The following ULK4 variants were observed in gnomAD, a reference collection of about 807,000 sequenced individuals.
ULK4 encodes the protein inactive serine/threonine-protein kinase ULK4.
ULK4 carries 133 observed loss-of-function variants against 160.6 expected under a neutral mutation model. The observed-to-expected ratio is 0.83, with a 90% CI of 0.72 to 0.96. ULK4 has a LOEUF of 0.96. ULK4 is among the 40% of genes least tolerant of loss of function. The pLI is 0.00. For synonymous variants in ULK4, 534 were observed against 539.8 expected (o/e 0.99, Z 0.15); for missense variants, 1,580 against 1,499.5 (o/e 1.05, Z -0.89).
At chr3:41,882,657 C>G (rs1472175366) in intron 17 of ULK4, among the ~76,000 whole-genome samples, 1 of 152,228 alleles carries the variant, frequency 6.6e-6, no homozygotes, top group African/African-American at 2.4e-5. Flanking sequence ...ATTCAACAGT[C>G]ATATTTCACA....
At chr3:41,366,916 T>C (rs1316325966) in intron 35 of ULK4, among the ~76,000 whole-genome samples, 4 of 152,224 alleles carry the variant, frequency 2.6e-5, no homozygotes, top group African/African-American at 9.7e-5. Context: ...TCTCTCACTC[T>C]GTGCTCAGAG....
chr3:41,955,313 C>T (rs369809806), intron 1 of ULK4: 3 of 152,868 alleles, frequency 2.0e-5, no homozygotes, highest in South Asian at 2.1e-4. Context: ...TATTCACAAA[C>T]CAATATTCAA....
intron 32 of ULK4, among the ~76,000 whole-genome samples, chr3:41,524,421 A>T (rs2086039371): frequency 6.6e-6 from 1 of 152,138 alleles, no homozygotes; most frequent in South Asian, 2.1e-4. Flanking sequence ...TTTCAAAGAG[A>T]TGCCCAGTAG....
At chr3:41,470,004 G>A (rs1296229261) in intron 32 of ULK4, among the ~76,000 whole-genome samples, 1 of 23,070 alleles carries the variant, frequency 4.3e-5, no homozygotes, top group East Asian at 1.5e-3. Flanking sequence ...AGGAATTCAA[G>A]AAGAAACAGA....
At chr3:41,337,958 A>G (rs2080599075) in intron 35 of ULK4, among the ~76,000 whole-genome samples, 1 of 152,208 alleles carries the variant, frequency 6.6e-6, no homozygotes, top group Non-Finnish European at 1.5e-5. Context: ...GGGAAAGATG[A>G]TGAGAGCTAA....
intron 30 of ULK4, among the ~76,000 whole-genome samples, chr3:41,658,637 G>T (rs527875822): frequency 2.9e-4 from 44 of 152,048 alleles, no homozygotes; most frequent in Non-Finnish European, 5.4e-4. Flanking sequence ...GGCACAGATA[G>T]TATATGAATT....
At chr3:41,932,242 A>T (rs1699628535) in intron 4 of ULK4, among the ~76,000 whole-genome samples, 1 of 152,234 alleles carries the variant, frequency 6.6e-6, no homozygotes, top group Non-Finnish European at 1.5e-5. Flanking sequence ...CACATCATAT[A>T]ACCATAGTGG....
intron 31 of ULK4, among the ~76,000 whole-genome samples, chr3:41,581,805 T>C (rs749707180): frequency 6.6e-6 from 1 of 152,004 alleles, no homozygotes; most frequent in Admixed American, 6.5e-5. Flanking sequence ...CTGAGAGGTA[T>C]TAGGAAGGAG....
intron 21 of ULK4, among the ~76,000 whole-genome samples, chr3:41,755,285 A>G (rs1358129047): frequency 6.6e-6 from 1 of 150,656 alleles, no homozygotes. Context: ...TAAGAAGCTC[A>G]TTTTTTTTTG....
intron 30 of ULK4, among the ~76,000 whole-genome samples, chr3:41,618,608 G>A (rs6788368): frequency 0.31 from 46,545 of 151,940 alleles, 9,805 homozygotes; most frequent in African/African-American, 0.6. Flanking sequence ...CTGCTTTACA[G>A]GAGCTCCTGA....
In ULK4 at chr3:41,463,665, A is replaced by C. The variant is rs1346431472; in HGVS notation, c.3227-412T>G. The stretch of plus-strand genomic sequence containing the variant: ...ACCCAGTGGTCTGCTCTATCTAGCA[A>C]CTGGGTGGTTTCCATAATGCAGTCC... On this transcript the variant is annotated intron_variant, in intron 32 of 36. Transcript: ENST00000301831. 2.6e-5 allele frequency among the ~76,000 whole-genome samples: 4 copies of C among 152,280 alleles called. No individual in the cohort carries two copies. In the East Asian group the frequency reaches 7.7e-4, roughly 29 times the overall value.
At position 41,510,788 on chromosome 3, in the gene ULK4, T is replaced by C. The variant is rs115389816; in HGVS notation, c.3227-47535A>G. On this transcript the variant is annotated intron_variant, in intron 32 of 36. Transcript: ENST00000301831. ...TTTAAAAATTCTTTGAACTGAATAATAGTGACACAAGCTATCAAAACCTTT... is the reference window on the plus strand; with the variant it reads ...TTTAAAAATTCTTTGAACTGAATAACAGTGACACAAGCTATCAAAACCTTT... Among the ~76,000 whole-genome samples the C allele has an allele frequency of 5.3e-3, 814 of 152,216 alleles. 12 individuals are homozygous for C. Among genetic ancestry groups the C allele is most frequent in the African/African-American group, 0.019 (783 of 41,536 alleles).
intron 22 of ULK4, among the ~76,000 whole-genome samples, chr3:41,748,431 T>G (rs1158247586): frequency 6.6e-6 from 1 of 152,146 alleles, no homozygotes; most frequent in African/African-American, 2.4e-5. Context: ...AAATACATTA[T>G]GAAAGAAATA....
At chr3:41,740,476 A>T (rs2125879326) in intron 22 of ULK4, among the ~76,000 whole-genome samples, 1 of 151,968 alleles carries the variant, frequency 6.6e-6, no homozygotes, top group African/African-American at 2.4e-5. Context: ...CGCCTGTCAT[A>T]GTAATATGAG....
chr3:41,446,844 T>C (rs35128088), intron 34 of ULK4, among the ~76,000 whole-genome samples: 40,301 of 151,450 alleles, frequency 0.27, 5,602 homozygotes, highest in East Asian at 0.57. Context: ...AACCTGTACG[T>C]TGTGCACATG....
intron 30 of ULK4, among the ~76,000 whole-genome samples, chr3:41,630,831 C>G (rs1215143254): frequency 6.6e-6 from 1 of 152,108 alleles, no homozygotes; most frequent in African/African-American, 2.4e-5. Context: ...GTGTACCAAC[C>G]AAAATAGAAG....
chr3:41,590,926 G>T (rs1483073820), intron 31 of ULK4, among the ~76,000 whole-genome samples: 1 of 152,058 alleles, frequency 6.6e-6, no homozygotes, highest in East Asian at 1.9e-4. Flanking sequence ...AACGATGGTT[G>T]AAGAATTTTT....
intron 34 of ULK4, among the ~76,000 whole-genome samples, chr3:41,428,041 G>C (rs916069130): frequency 1.3e-5 from 2 of 151,248 alleles, no homozygotes; most frequent in African/African-American, 4.8e-5. Flanking sequence ...CAGCCCAAAA[G>C]TTTAAGCTGA....
chr3:41,301,760 A>T (rs2079804791), intron 35 of ULK4, among the ~76,000 whole-genome samples: 2 of 152,212 alleles, frequency 1.3e-5, no homozygotes, highest in Non-Finnish European at 2.9e-5. Flanking sequence ...TCATCACTAA[A>T]GTATCTCACA....
Sources: gnomAD v4.1 joint callset for allele counts (sites outside exome capture counted in the v4.1 genomes callset) on GRCh38, gnomAD v4.1.1 for gene constraint, MANE v1.5 for transcripts, NCBI Gene and HGNC (gene_info 2026-07-23, HGNC 2026-07-21) for gene names.